AGAP2: variants seen among roughly 807,000 people sequenced by gnomAD.
The protein encoded by AGAP2 is arf-GAP with GTPase, ANK repeat and PH domain-containing protein 2.
In AGAP2, 32 loss-of-function variants were observed where a neutral mutation model predicts 110.9. The observed-to-expected ratio is 0.29, with a 90% confidence interval of 0.22 to 0.39. The LOEUF (loss-of-function observed/expected upper bound fraction) is 0.39, where lower values mean the gene tolerates loss of function less well. Ranked by LOEUF, AGAP2 falls within the 10% of genes least tolerant of loss-of-function variation. The pLI is 1.00. For synonymous variants in AGAP2, 702 were observed against 713.0 expected (o/e 0.98, Z 0.25); for missense variants, 1,285 against 1,638.5 (o/e 0.78, Z 3.72).
At position 57,734,518 on chromosome 12, in the gene AGAP2, C is replaced by A. The variant is rs986096140; in HGVS notation, c.1315+74G>T. The A allele has an allele frequency of 2.5e-6, 4 of 1,591,606 alleles. No individual in the cohort carries two copies. In the African/African-American group the frequency reaches 4.0e-5, roughly 16 times the overall value. ...TCATCCTTCCCCCCTGGTCTCCACA[C>A]CTGCCTAATCATTGATCTCACTCCT... On this transcript the variant is annotated intron_variant, in intron 3 of 18. Transcript: ENST00000547588.
chr12:57,731,511 T>C lies in AGAP2; in HGVS notation c.2041-41A>G, dbSNP rs532587916. ...AGACACATGTGGGAAAAAAGCCAAC[T>C]AAGACCAGCTGCCCCTAGCCTGTCC... On this transcript the variant is annotated intron_variant, in intron 9 of 18. Coordinates refer to ENST00000547588, the MANE Select transcript of AGAP2 (RefSeq NM_001122772.3). 10 of 1,613,884 alleles carry C rather than the reference T, an allele frequency of 6.2e-6. No individual in the cohort carries two copies. In the South Asian group the frequency reaches 7.7e-5, roughly 12 times the overall value.
At position 57,727,944 on chromosome 12, in the gene AGAP2, T is replaced by A; in HGVS notation, c.2759A>T (p.Lys920Met). The change falls in exon 15 of 19, where the codon AAG becomes ATG. Residue 920 changes from lysine (K) to methionine (M), a missense_variant. Lys to Met is a moderately conservative substitution (Grantham distance 95). Coordinates refer to ENST00000547588, the MANE Select transcript of AGAP2 (RefSeq NM_001122772.3). ...LASLQCCESS[K>M]VKLRTDSQSE... ...TCCACCTCAAACTCTTACCTTGACC[T>A]TGCTGCTCTCACAGCATTGCAGACT... 6.2e-7 allele frequency: 1 copy of A among 1,614,070 alleles called. No homozygotes were observed. The highest frequency in any genetic ancestry group is 2.2e-5 in the East Asian group (1 of 44,884).
rs769555500 is a variant in AGAP2 at position 57,737,145 on chromosome 12, G to C, written c.1102C>G (p.Pro368Ala). Residue 368 changes from proline to alanine, a missense_variant, in exon 1 of 19, where the codon CCC (proline) becomes GCC (alanine). Around this residue, in one of 7 missense-constraint regions of AGAP2, gnomAD observed 844 missense variants for 941.2 expected, o/e 0.90. Coordinates refer to ENST00000547588, the MANE Select transcript of AGAP2 (RefSeq NM_001122772.3). The surrounding 1 kb of genome is among the most constrained non-coding windows in gnomAD (Gnocchi z 5.9). The part of the protein sequence containing the change: ...GPPGSGPLPG[P>A]PSLSSGSGSR... Reference sequence around the variant, plus strand: ...CCGCTGCCAGAAGACAGGCTGGGGGGTCCGGGAAGGGGCCCGGAGCCAGGA... The same window carrying C: ...CCGCTGCCAGAAGACAGGCTGGGGGCTCCGGGAAGGGGCCCGGAGCCAGGA... The C allele has an allele frequency of 1.3e-6, 2 of 1,569,098 alleles. No homozygotes were observed. Among genetic ancestry groups the C allele is most frequent in the South Asian group, 1.2e-5 (1 of 85,840 alleles).
chr12:57,735,717 C>T (rs773302997), intron 1 of AGAP2, among the ~76,000 whole-genome samples: 3 of 152,222 alleles, frequency 2.0e-5, no homozygotes, highest in Non-Finnish European at 4.4e-5. Flanking sequence ...GGTCCTGGCC[C>T]CAGACAGGGA....
rs1351678908 is a variant in AGAP2 at position 57,730,779 on chromosome 12, A to G, written c.2308+12T>C. ...GCCCCTCTTCTGCTCCTATGTCATAAACCTTACTCACCCAGGCCTTCACCC... is the reference window on the plus strand; with the variant it reads ...GCCCCTCTTCTGCTCCTATGTCATAGACCTTACTCACCCAGGCCTTCACCC... On this transcript the variant is annotated intron_variant, in intron 11 of 18. Transcript: ENST00000547588. The G allele has an allele frequency of 1.9e-6, 3 of 1,613,550 alleles. No individual in the cohort carries two copies. The highest frequency in any genetic ancestry group is 2.5e-6 in the Non-Finnish European group (3 of 1,179,996).
intron 14 of AGAP2, 62 bp downstream of exon 14, chr12:57,728,256 C>A: frequency 6.3e-7 from 1 of 1,579,074 alleles, no homozygotes; most frequent in South Asian, 1.1e-5. Context: ...CAGGGGAAGG[C>A]GGGGGCACCC....
rs1954744597 is a variant in AGAP2 at position 57,725,403 on chromosome 12, G to C, written c.*1149C>G. ...ACAGCCCAAGGGCTGGGTTGGCTGA[G>C]GGAGGCAGGGCTGGGCCAGGTAAGT... is the stretch of plus-strand genomic sequence containing the variant. On this transcript the variant is annotated 3_prime_UTR_variant, in exon 19 of 19. Coordinates refer to ENST00000547588, the MANE Select transcript of AGAP2 (RefSeq NM_001122772.3). 6.6e-6 allele frequency: 1 copy of C among 151,720 alleles called. No individual in the cohort carries two copies. The highest frequency in any genetic ancestry group is 6.6e-5 in the Admixed American group (1 of 15,254). The allele number at this position is 151,720 out of a possible 1,614,324, so 9.4% of individuals were successfully genotyped here. A position where few individuals can be genotyped will look rare whatever the true frequency, so the allele number is the denominator to read the frequency against.
chr12:57,731,840 C>T lies in AGAP2; in HGVS notation c.1922G>A (p.Arg641Gln), dbSNP rs201517791. 30 of 1,592,428 alleles carry T rather than the reference C, an allele frequency of 1.9e-5. No individual in the cohort carries two copies. The highest frequency in any genetic ancestry group is 5.3e-5 in the Admixed American group (3 of 56,076). Residue 641 changes from arginine to glutamine, a missense_variant, in exon 8 of 19, where the codon CGG becomes CAG. By Grantham distance (43) the Arg-to-Gln change is conservative (BLOSUM62 1). Transcript: ENST00000547588. Reference protein sequence around the residue: ...AGLSTPGSLHRAAKRRTSLFA... With the variant: ...AGLSTPGSLHQAAKRRTSLFA... ...AAGGCTGGTCCTGCGCTTGGCTGCCCGGTGCAGGGACCCTGGGGTGCTCAA... is the reference window on the plus strand; with the variant it reads ...AAGGCTGGTCCTGCGCTTGGCTGCCTGGTGCAGGGACCCTGGGGTGCTCAA...
At chr12:57,732,083 T>G in intron 7 of AGAP2, 116 bp from the exon 8 acceptor site, 1 of 1,218,362 alleles carries the variant, frequency 8.2e-7, no homozygotes, top group East Asian at 2.4e-5. Flanking sequence ...CATTTATTTA[T>G]GTTGTCATTA....
chr12:57,730,933 G>A lies in AGAP2; in HGVS notation c.2166C>T (p.His722=), dbSNP rs181620463. Residue 722 remains histidine, a synonymous_variant, in exon 11 of 19, where the codon CAC becomes CAT. Coordinates refer to ENST00000547588, the MANE Select transcript of AGAP2 (RefSeq NM_001122772.3). Reference sequence around the variant, plus strand: ...TTCGCAGCAAGTCCATCTCCTTGCCGTGGGTACTGTGGATGTAATCCTGGA... The same window carrying A: ...TTCGCAGCAAGTCCATCTCCTTGCCATGGGTACTGTGGATGTAATCCTGGA... ...PSINDYIHST[H]GKEMDLLRTT... is the part of the protein sequence containing the mutation. 3.3e-5 allele frequency: 52 copies of A among 1,560,076 alleles called. No homozygotes were observed. In the East Asian group the frequency reaches 6.0e-4, roughly 18 times the overall value.
rs901364764 is a variant in AGAP2, at chr12:57,738,452, C to T, written c.-206G>A. On this transcript the variant is annotated 5_prime_UTR_variant, in exon 1 of 19. Coordinates refer to ENST00000547588, the MANE Select transcript of AGAP2 (RefSeq NM_001122772.3). The surrounding 1 kb of genome is among the most constrained non-coding windows in gnomAD (Gnocchi z 6.7). ...TGGGGCGCCCCCTCCCCATGCTCCC[C>T]GCCCTGCGCCCCCACCCTCTTGGAG... The T allele has an allele frequency of 2.8e-5, 10 of 351,526 alleles. No homozygotes were observed. Among genetic ancestry groups the T allele is most frequent in the African/African-American group, 2.2e-4 (10 of 45,228 alleles). The allele number at this position is 351,526 out of a possible 1,614,324, so 21.8% of individuals were successfully genotyped here. A position where few individuals can be genotyped will look rare whatever the true frequency, so the allele number is the denominator to read the frequency against.
intron 6 of AGAP2, 37 bp downstream of exon 6, chr12:57,732,808 C>G (rs377615200): frequency 1.2e-5 from 20 of 1,612,314 alleles, no homozygotes; most frequent in Non-Finnish European, 1.6e-5. Context: ...GCCCCTTGCT[C>G]TGGCTTCCCA....
chr12:57,738,331 C>T lies in AGAP2; in HGVS notation c.-85G>A. ...GGCCCGGCCATGGGGCCGCCCTGCT[C>T]GCTGCCCCCAGCCCCCGGACCCCGC... On this transcript the variant is annotated 5_prime_UTR_variant, in exon 1 of 19. Transcript: ENST00000547588. The surrounding 1 kb of genome is among the most constrained non-coding windows in gnomAD (Gnocchi z 6.7). 5 of 1,327,538 alleles carry T rather than the reference C, an allele frequency of 3.8e-6. No homozygotes were observed. The highest frequency in any genetic ancestry group is 3.6e-5 in the South Asian group (2 of 55,164). 82.2% of individuals were successfully genotyped at this position (1,327,538 alleles called of 1,614,324 possible).
intron 11 of AGAP2, 27 bp from the exon 12 acceptor site, chr12:57,730,641 G>A (rs932494035): frequency 1.2e-5 from 20 of 1,609,542 alleles, no homozygotes; most frequent in Admixed American, 1.7e-5. Context: ...AAACCTCAGT[G>A]AGCCTCTTTC....
In AGAP2 at chr12:57,737,972, G is replaced by C; in HGVS notation, c.275C>G (p.Ala92Gly). The C allele has an allele frequency of 7.0e-7, 1 of 1,435,950 alleles. No homozygotes were observed. The highest frequency in any genetic ancestry group is 9.1e-7 in the Non-Finnish European group (1 of 1,102,014). The allele number at this position is 1,435,950 out of a possible 1,614,324, so 89.0% of individuals were successfully genotyped here. A position where few individuals can be genotyped will look rare whatever the true frequency, so the allele number is the denominator to read the frequency against. ...SAGTGGAEPP[A>G]LSPAPASPAR... Reference sequence around the variant, plus strand: ...CGGACTGGCCGGAGCCGGGGACAGGGCTGGGGGCTCCGCGCCCCCGGTGCC... The same window carrying C: ...CGGACTGGCCGGAGCCGGGGACAGGCCTGGGGGCTCCGCGCCCCCGGTGCC... The change falls in exon 1 of 19, where the codon GCC becomes GGC. Residue 92 changes from alanine (A) to glycine (G), a missense_variant. Ala to Gly is a moderately conservative substitution (Grantham distance 60). This residue lies in a region of AGAP2 where 844 missense variants were observed against 941.2 expected (regional missense o/e 0.90). Transcript: ENST00000547588. This position sits in a 1 kb window ranked among gnomAD's most constrained non-coding sequence, Gnocchi z 5.9.
chr12:57,730,518 T>G lies in AGAP2; in HGVS notation c.2405A>C (p.Asn802Thr). 6.2e-7 allele frequency: 1 copy of G among 1,614,184 alleles called. No homozygotes were observed. Among genetic ancestry groups the G allele is most frequent in the Non-Finnish European group, 8.5e-7 (1 of 1,180,024 alleles). Residue 802 changes from asparagine to threonine, a missense_variant, in exon 12 of 19, where the codon AAT becomes ACT. Coordinates refer to ENST00000547588, the MANE Select transcript of AGAP2 (RefSeq NM_001122772.3). ...ACCCGTGCTGAGGGCTCGGGCCAAA[T>G]TCCGGTCTGGCTTCAGCAGGTGTTT... is the stretch of plus-strand genomic sequence containing the variant. ...TSKHLLKPDR[N>T]LARALSTDCT...
intron 12 of AGAP2, 150 bp from the exon 13 acceptor site, chr12:57,729,917 TG>T: frequency 1.7e-6 from 2 of 1,161,068 alleles, no homozygotes; most frequent in Admixed American, 5.4e-5. Context: ...TGATCATTCC[TG>T]GGGATGCAGG....
chr12:57,729,549 CT>C (rs1595084044), intron 13 of AGAP2, 89 bp downstream of exon 13: 2 of 1,534,556 alleles, frequency 1.3e-6, no homozygotes, highest in Non-Finnish European at 8.7e-7. Flanking sequence ...AGCTCAGGCA[CT>C]TTTCCTCCTG....
chr12:57,734,221 TC>T lies in AGAP2; in HGVS notation c.1402-49del, dbSNP rs767430978. On this transcript the variant is annotated intron_variant, in intron 4 of 18. Transcript: ENST00000547588. Reference sequence around the variant, plus strand: ...ATGGAAAGTCAGACAGGTCTACTCCTCTGGACCCAATCCAGATGAAGACCTG... The same window carrying T: ...ATGGAAAGTCAGACAGGTCTACTCCTTGGACCCAATCCAGATGAAGACCTG... The T allele has an allele frequency of 4.3e-6, 7 of 1,610,304 alleles. No homozygotes were observed. In the South Asian group the frequency reaches 7.7e-5, roughly 18 times the overall value.
Sources: gnomAD v4.1 joint callset for allele counts (sites outside exome capture counted in the v4.1 genomes callset) on GRCh38, gnomAD v4.1.1 for gene constraint, gnomAD v4.1.1 regional missense constraint, Gnocchi (gnomAD v3.1) non-coding constraint, MANE v1.5 for transcripts, NCBI Gene and HGNC (gene_info 2026-07-23, HGNC 2026-07-21) for gene names.